Variants in MORC1 observed in about 807,000 individuals in gnomAD.
The protein encoded by MORC1 is MORC family CW-type zinc finger 1.
Under a neutral mutation model 134.9 loss-of-function variants are expected in MORC1, and 59 were observed. The ratio of observed to expected loss-of-function variants is 0.44; its 90% CI spans 0.35 to 0.54. The LOEUF is 0.54. Ranked by LOEUF, MORC1 falls within the 20% of genes least tolerant of loss-of-function variation. The pLI, the probability that MORC1 is intolerant of heterozygous loss-of-function variation, is 0.00. For synonymous variants in MORC1, 395 were observed against 391.7 expected, an observed-to-expected ratio of 1.01 and a Z score of -0.10; for missense variants, 947 against 1,134.5, an observed-to-expected ratio of 0.83 and a Z score of 2.37.
At chr3:109,078,405 G>C (rs1950461687) in intron 8 of MORC1, among the ~76,000 whole-genome samples, 1 of 151,810 alleles carries the variant, frequency 6.6e-6, no homozygotes, top group Non-Finnish European at 1.5e-5. Flanking sequence ...TCTCCAAAAA[G>C]CAAACATATG....
chr3:109,113,240 T>G (rs1305488477), intron 2 of MORC1, among the ~76,000 whole-genome samples: 1 of 152,216 alleles, frequency 6.6e-6, no homozygotes, highest in Non-Finnish European at 1.5e-5. Context: ...CTTGGCTTCA[T>G]CCTTATTAGC....
At chr3:109,074,586 A>G (rs1020359830) in intron 8 of MORC1, among the ~76,000 whole-genome samples, 6 of 152,232 alleles carry the variant, frequency 3.9e-5, no homozygotes, top group Admixed American at 3.9e-4. Flanking sequence ...AAGATCTCCA[A>G]TGATCTTTAA....
In MORC1 at chr3:108,979,542, G is replaced by C. The variant is rs1259553325; in HGVS notation, c.2450C>G (p.Thr817Arg). The change falls in exon 24 of 28, where the codon ACA becomes AGA. Residue 817 changes from threonine to arginine, a missense_variant. Transcript: ENST00000232603. ...ASSQSTPVKE[T>R]VRKLKSKLRE... Reference sequence around the variant, plus strand: ...TAACTTAGACTTCAGTTTTCTCACTGTTTCCTTGACAGGTGTGCTTTGAGA... The same window carrying C: ...TAACTTAGACTTCAGTTTTCTCACTCTTTCCTTGACAGGTGTGCTTTGAGA... 4 of 1,613,924 alleles carry C rather than the reference G, an allele frequency of 2.5e-6. No individual in the cohort carries two copies. The highest frequency in any genetic ancestry group is 2.5e-6 in the Non-Finnish European group (3 of 1,179,934).
chr3:109,099,699 C>G (rs1436247938), intron 5 of MORC1, among the ~76,000 whole-genome samples: 2 of 151,948 alleles, frequency 1.3e-5, no homozygotes, highest in Non-Finnish European at 2.9e-5. Context: ...AGGGTCCATT[C>G]AGGGCTCAAA....
chr3:109,054,847 G>A lies in MORC1; in HGVS notation c.1211C>T (p.Pro404Leu). ...GAGVVGIVNIPLEVMEPSHNK... is the reference protein window; with the variant it reads ...GAGVVGIVNILLEVMEPSHNK... ...ATGGGATGGTTCCATGACCTCCAAG[G>A]GTATATTAACAATTCCAACCACGCC... Residue 404 changes from proline to leucine, a missense_variant, in exon 14 of 28, where the codon CCC (proline) becomes CTC (leucine). This residue lies in a region of MORC1 where 722 missense variants were observed against 817.0 expected (regional missense o/e 0.88). Coordinates refer to ENST00000232603, the MANE Select transcript of MORC1 (RefSeq NM_014429.4). The A allele has an allele frequency of 6.2e-7, 1 of 1,605,242 alleles. No homozygotes were observed.
At position 109,100,562 on chromosome 3, in the gene MORC1, G is replaced by A. The variant is rs369289264; in HGVS notation, c.224-55C>T. ...TAGGAAGACTCTTTGACACTGGCCT[G>A]AGGCCCAGCTGTCAGGACCTCACAT... is the stretch of plus-strand genomic sequence containing the variant. On this transcript the variant is annotated intron_variant, in intron 4 of 27. Transcript: ENST00000232603. 1.2e-5 allele frequency: 16 copies of A among 1,350,142 alleles called. No individual in the cohort carries two copies. In the African/African-American group the frequency reaches 2.2e-4, roughly 18 times the overall value. The allele number at this position is 1,350,142 out of a possible 1,614,324, so 83.6% of individuals were successfully genotyped here. A position where few individuals can be genotyped will look rare whatever the true frequency, so the allele number is the denominator to read the frequency against.
intron 17 of MORC1, among the ~76,000 whole-genome samples, chr3:109,022,592 C>A (rs1019221706): frequency 6.6e-6 from 1 of 152,188 alleles, no homozygotes; most frequent in Admixed American, 6.5e-5. Flanking sequence ...GAATGAAATC[C>A]AAATGCAGTC....
At chr3:108,999,994 C>T (rs556387957) in intron 21 of MORC1, among the ~76,000 whole-genome samples, 1 of 152,098 alleles carries the variant, frequency 6.6e-6, no homozygotes, top group Admixed American at 6.5e-5. Context: ...GGGCTTTTTA[C>T]ACTTGGTTCA....
chr3:108,994,804 A>C (rs1285198337), intron 21 of MORC1, among the ~76,000 whole-genome samples: 4 of 152,042 alleles, frequency 2.6e-5, no homozygotes, highest in Admixed American at 6.5e-5. Flanking sequence ...TTTGCGGCTC[A>C]TTTCAAATTG....
At chr3:109,034,057 C>A (rs1028863726) in intron 15 of MORC1, among the ~76,000 whole-genome samples, 11 of 152,130 alleles carry the variant, frequency 7.2e-5, no homozygotes, top group Non-Finnish European at 1.5e-4. Context: ...ATTATACCTT[C>A]TAAGTAACTG....
At chr3:109,027,001 C>T (rs1269183409) in intron 17 of MORC1, among the ~76,000 whole-genome samples, 3 of 152,194 alleles carry the variant, frequency 2.0e-5, no homozygotes, top group Non-Finnish European at 4.4e-5. Context: ...TAAGCTGCTA[C>T]AGCTGGGGAG....
chr3:108,967,001 T>TA (rs1947239046), intron 26 of MORC1, among the ~76,000 whole-genome samples: 1 of 152,200 alleles, frequency 6.6e-6, no homozygotes, highest in African/African-American at 2.4e-5. Flanking sequence ...GCCAGTGACT[T>TA]ATGTAAGTTT....
At chr3:109,009,606 C>A (rs1948635167) in intron 17 of MORC1, among the ~76,000 whole-genome samples, 1 of 152,174 alleles carries the variant, frequency 6.6e-6, no homozygotes, top group Non-Finnish European at 1.5e-5. Context: ...GAGGATCTTA[C>A]AGTTTTTACT....
At chr3:109,106,342 C>T (rs1951035261) in intron 3 of MORC1, among the ~76,000 whole-genome samples, 1 of 152,102 alleles carries the variant, frequency 6.6e-6, no homozygotes, top group Non-Finnish European at 1.5e-5. Flanking sequence ...CCAAAGATTC[C>T]CATCAGACAT....
intron 6 of MORC1, 141 bp from the exon 7 acceptor site, chr3:109,095,209 T>C (rs554456509): frequency 2.7e-6 from 2 of 741,668 alleles, no homozygotes. Context: ...TATAATCTAG[T>C]TGTATAAGAG....
intron 7 of MORC1, among the ~76,000 whole-genome samples, chr3:109,094,305 T>A (rs951203348): frequency 6.6e-6 from 1 of 152,176 alleles, no homozygotes; most frequent in African/African-American, 2.4e-5. Flanking sequence ...GACAACTAAT[T>A]ATACTTTTTG....
intron 21 of MORC1, among the ~76,000 whole-genome samples, chr3:108,993,732 G>T (rs1948127144): frequency 6.6e-6 from 1 of 152,178 alleles, no homozygotes; most frequent in African/African-American, 2.4e-5. Context: ...TCAGAAAAAT[G>T]ATGTGTATCT....
In MORC1 at chr3:109,005,279, C is replaced by A. The variant is rs114998618; in HGVS notation, c.1804G>T (p.Asp602Tyr). The A allele has an allele frequency of 2.6e-5, 41 of 1,605,090 alleles. No individual in the cohort carries two copies. The East Asian group carries it at 6.0e-4, about 24-fold the overall frequency. ...GAAAGAGATTCATGCTTCAAGTCAT[C>A]GCCCAAAAGCCTGATTTTCTGGGTT... The part of the protein sequence containing the change: ...TKTQKIRLLG[D>Y]DLKHESLSSF... The change falls in exon 19 of 28, where the codon GAT (aspartate) becomes TAT (tyrosine). Residue 602 changes from aspartate to tyrosine, a missense_variant. By Grantham distance (160) the Asp-to-Tyr change is radical. Coordinates refer to ENST00000232603, the MANE Select transcript of MORC1 (RefSeq NM_014429.4).
chr3:109,108,040 T>C (rs571237658), intron 3 of MORC1, among the ~76,000 whole-genome samples: 1 of 152,084 alleles, frequency 6.6e-6, no homozygotes, highest in Non-Finnish European at 1.5e-5. Context: ...CTACTAAAAA[T>C]ACAAAACTTA....
Sources: gnomAD v4.1 joint callset for allele counts (sites outside exome capture counted in the v4.1 genomes callset) on GRCh38, gnomAD v4.1.1 for gene constraint, gnomAD v4.1.1 regional missense constraint, MANE v1.5 for transcripts, NCBI Gene and HGNC (gene_info 2026-07-23, HGNC 2026-07-21) for gene names.